Variants in CERK observed in about 807,000 individuals in gnomAD.
CERK encodes ceramide kinase.
A neutral mutation model predicts 63.4 loss-of-function variants in CERK; 39 were observed. The ratio of observed to expected loss-of-function variants is 0.61; its 90% CI spans 0.48 to 0.80. CERK has a LOEUF of 0.80. Among genes scored for constraint, CERK ranks in the 30% least tolerant of loss-of-function variants. The pLI, the probability that CERK is intolerant of heterozygous loss-of-function variation, is 0.00. For synonymous variants in CERK, 302 were observed against 280.0 expected (o/e 1.08, Z -0.78); for missense variants, 670 against 714.1 (o/e 0.94, Z 0.70).
At chr22:46,735,131 T>C (rs2082966509) in intron 1 of CERK, 1 of 152,184 alleles carries the variant, frequency 6.6e-6, no homozygotes, top group Non-Finnish European at 1.5e-5. Flanking sequence ...AAGGAATAAA[T>C]GCAGGGTTTG....
intron 10 of CERK, among the ~76,000 whole-genome samples, chr22:46,693,209 G>A (rs1235342793): frequency 2.0e-5 from 3 of 152,146 alleles, no homozygotes; most frequent in East Asian, 1.9e-4. Flanking sequence ...AAAGGGTAAC[G>A]GGGCCTTTCA....
chr22:46,694,293 C>T (rs866572320), intron 9 of CERK, among the ~76,000 whole-genome samples: 8 of 152,056 alleles, frequency 5.3e-5, no homozygotes, highest in African/African-American at 9.7e-5. Flanking sequence ...GGAGGTCATG[C>T]GGCCTGGGAC....
chr22:46,715,347 A>G (rs1158530142), intron 3 of CERK, among the ~76,000 whole-genome samples: 1 of 152,250 alleles, frequency 6.6e-6, no homozygotes, highest in Non-Finnish European at 1.5e-5. Context: ...ACAAAAATCT[A>G]AAATAATCAT....
At chr22:46,720,335 C>A in intron 2 of CERK, 127 bp from the exon 3 acceptor site, 1 of 1,043,698 alleles carries the variant, frequency 9.6e-7, no homozygotes, top group Non-Finnish European at 1.4e-6. Flanking sequence ...GTTCTCCTCC[C>A]TTCTAATTAG....
intron 8 of CERK, among the ~76,000 whole-genome samples, chr22:46,696,238 G>GC (rs1298058342): frequency 5.9e-5 from 9 of 152,342 alleles, no homozygotes; most frequent in African/African-American, 2.2e-4. Flanking sequence ...CCCTAGGACA[G>GC]CCCCGTCTGT....
intron 2 of CERK, 23 bp from the exon 3 acceptor site, chr22:46,720,231 G>A (rs371788774): frequency 5.9e-5 from 94 of 1,595,630 alleles, no homozygotes; most frequent in South Asian, 1.1e-4. Context: ...AAGCATGCTC[G>A]TTAGTGCAAA....
At chr22:46,699,022 G>T (rs73888619) in intron 8 of CERK, among the ~76,000 whole-genome samples, 1 of 152,134 alleles carries the variant, frequency 6.6e-6, no homozygotes, top group Non-Finnish European at 1.5e-5. Context: ...GTGGCCTGGC[G>T]TCTTGGGGTT....
intron 11 of CERK, 132 bp downstream of exon 11, chr22:46,691,440 A>C: frequency 1.4e-6 from 1 of 733,280 alleles, no homozygotes. Context: ...AAAGTTTGTG[A>C]AATTAAAAAA....
In CERK at chr22:46,690,110, C is replaced by T. The variant is rs148346577; in HGVS notation, c.1423G>A (p.Gly475Arg). Reference protein sequence around the residue: ...MEDEDSDLKEGGKKRFGHICS... With the variant: ...MEDEDSDLKERGKKRFGHICS... ...ATGTGCCCAAAGCGCTTCTTCCCCC[C>T]CTCCTTGAGGTCGCTGTCCTCATCC... The change falls in exon 12 of 13, where the codon GGG (glycine) becomes AGG (arginine). Residue 475 changes from glycine to arginine, a missense_variant. Coordinates refer to ENST00000216264, the MANE Select transcript of CERK (RefSeq NM_022766.6). The T allele has an allele frequency of 4.5e-5, 72 of 1,614,094 alleles. No homozygotes were observed. Among genetic ancestry groups the T allele is most frequent in the South Asian group, 2.0e-4 (18 of 91,076 alleles).
intron 1 of CERK, among the ~76,000 whole-genome samples, chr22:46,725,401 A>C (rs2082913519): frequency 6.6e-6 from 1 of 152,104 alleles, no homozygotes; most frequent in Non-Finnish European, 1.5e-5. Flanking sequence ...GGCACACAGA[A>C]GAATGCGGAC....
At chr22:46,737,220 G>C (rs2082978058) in intron 1 of CERK, among the ~76,000 whole-genome samples, 1 of 151,496 alleles carries the variant, frequency 6.6e-6, no homozygotes, top group Non-Finnish European at 1.5e-5. Flanking sequence ...TTGAACCCAG[G>C]AGGCGGAGGT....
Position 46,686,543 on chromosome 22 carries a change from C to G in CERK, c.*591G>C, listed in dbSNP as rs2082702471. ...CAGGTGTGGAGGCCCCAGCAGCCTTCCCGGCGCTGGCGTGGAGGCCCCTCC... is the reference window on the plus strand; with the variant it reads ...CAGGTGTGGAGGCCCCAGCAGCCTTGCCGGCGCTGGCGTGGAGGCCCCTCC... On this transcript the variant is annotated 3_prime_UTR_variant, in exon 13 of 13. Coordinates refer to ENST00000216264, the MANE Select transcript of CERK (RefSeq NM_022766.6). 1 of 153,422 alleles carries G rather than the reference C, an allele frequency of 6.5e-6. No individual in the cohort carries two copies. The highest frequency in any genetic ancestry group is 1.5e-5 in the Non-Finnish European group (1 of 68,848). The allele number at this position is 153,422 out of a possible 1,614,324, so 9.5% of individuals were successfully genotyped here.
chr22:46,691,056 TACACACAC>T (rs141210280), intron 11 of CERK, among the ~76,000 whole-genome samples: 7 of 147,194 alleles, frequency 4.8e-5, no homozygotes, highest in African/African-American at 7.6e-5. Context: ...TATACATACA[TACACACAC>T]ACACACACAC....
chr22:46,714,256 G>C lies in CERK; in HGVS notation c.380-1963C>G, dbSNP rs1454549839. Among the ~76,000 whole-genome samples, 1 of 152,180 alleles carries C rather than the reference G, an allele frequency of 6.6e-6. No homozygotes were observed. The highest frequency in any genetic ancestry group is 2.4e-5 in the African/African-American group (1 of 41,428). ...ATTGCACTCCAGCCTGGGTGACAGA[G>C]TAAGACTCCATGTCAAAATAAACAA... On this transcript the variant is annotated intron_variant, in intron 3 of 12. Coordinates refer to ENST00000216264, the MANE Select transcript of CERK (RefSeq NM_022766.6). This position sits in a 1 kb window ranked among gnomAD's most constrained non-coding sequence, Gnocchi z 4.4.
chr22:46,707,708 GCCCT>G, intron 6 of CERK, 131 bp downstream of exon 6: 1 of 984,784 alleles, frequency 1.0e-6, no homozygotes, highest in Non-Finnish European at 1.5e-6. Flanking sequence ...CCCAAGAGTG[GCCCT>G]AATGTTAGGA....
chr22:46,707,153 C>G (rs559174145), intron 6 of CERK, among the ~76,000 whole-genome samples: 2 of 152,132 alleles, frequency 1.3e-5, no homozygotes, highest in Admixed American at 6.6e-5. Flanking sequence ...AGAGCTGTGA[C>G]GAGAGTGAAA....
chr22:46,724,131 C>CT, intron 1 of CERK, among the ~76,000 whole-genome samples: 1 of 152,224 alleles, frequency 6.6e-6, no homozygotes, highest in South Asian at 2.1e-4. Context: ...CCTCAGCCCA[C>CT]TCAACATGAA....
chr22:46,720,801 C>G (rs1007777851), intron 2 of CERK, 101 bp downstream of exon 2: 1 of 706,732 alleles, frequency 1.4e-6, no homozygotes, highest in African/African-American at 1.8e-5. Flanking sequence ...AAAGATAAAC[C>G]AATGCATTGA....
chr22:46,720,946 C>G lies in CERK; in HGVS notation c.212G>C (p.Gly71Ala), dbSNP rs1255951394. 1 of 1,613,556 alleles carries G rather than the reference C, an allele frequency of 6.2e-7. No homozygotes were observed. Among genetic ancestry groups the G allele is most frequent in the Non-Finnish European group, 8.5e-7 (1 of 1,179,598 alleles). ...EETDVHGKHQ[G>A]SGKWQKMEKP... The stretch of plus-strand genomic sequence containing the variant: ...TTCCATTTTCTGCCATTTTCCACTG[C>G]CTTGATGTTTCCCGTGAACGTCTGT... Residue 71 changes from glycine (G) to alanine (A), a missense_variant, in exon 2 of 13, where the codon GGC (glycine) becomes GCC (alanine). Transcript: ENST00000216264.
Sources: allele counts gnomAD v4.1 joint callset (sites outside exome capture counted in the v4.1 genomes callset), GRCh38; gene constraint gnomAD v4.1.1; non-coding constraint Gnocchi (gnomAD v3.1); transcripts MANE v1.5; gene names NCBI Gene and HGNC (gene_info 2026-07-23, HGNC 2026-07-21).